ADARB2: variants seen among roughly 807,000 people sequenced by gnomAD.
ADARB2 encodes inactive double-stranded RNA-specific editase B2.
ADARB2 carries 25 observed loss-of-function variants against 62.2 expected under a neutral mutation model. The observed-to-expected ratio is 0.40, with a 90% CI of 0.29 to 0.56. ADARB2 has a LOEUF of 0.56. Ranked by LOEUF, ADARB2 falls within the 20% of genes least tolerant of loss-of-function variation. The pLI is 0.43. For missense variants in ADARB2, 1,071 were observed against 1,077.4 expected, an observed-to-expected ratio of 0.99 and a Z score of 0.08; for synonymous variants, 572 against 500.8, an observed-to-expected ratio of 1.14 and a Z score of -1.90.
chr10:1,528,150 G>A (rs1217832553), intron 1 of ADARB2, among the ~76,000 whole-genome samples: 2 of 152,154 alleles, frequency 1.3e-5, no homozygotes, highest in African/African-American at 4.8e-5. Context: ...CTACGTTCTC[G>A]CCAATGGCTG....
chr10:1,549,352 C>A (rs896882390), intron 1 of ADARB2, among the ~76,000 whole-genome samples: 16 of 152,144 alleles, frequency 1.1e-4, no homozygotes, highest in Admixed American at 9.8e-4. Flanking sequence ...GGACACAAGG[C>A]GCTCTTTTTG....
chr10:1,185,255 C>T (rs1836736472), intron 8 of ADARB2, among the ~76,000 whole-genome samples: 1 of 152,218 alleles, frequency 6.6e-6, no homozygotes, highest in Admixed American at 6.5e-5. Flanking sequence ...GTCGCTGCAC[C>T]TGCGTCAACC....
At chr10:1,204,540 C>T (rs1189489885) in intron 7 of ADARB2, among the ~76,000 whole-genome samples, 1 of 152,272 alleles carries the variant, frequency 6.6e-6, no homozygotes, top group East Asian at 1.9e-4. Context: ...CTTGCTGGGA[C>T]ACCCTCAGGG....
At chr10:1,227,190 G>A (rs1271589108) in intron 6 of ADARB2, among the ~76,000 whole-genome samples, 5 of 152,206 alleles carry the variant, frequency 3.3e-5, no homozygotes, top group Non-Finnish European at 7.3e-5. Flanking sequence ...CTCCGTGGGT[G>A]TAGGACCCTC....
At chr10:1,233,929 T>G in intron 5 of ADARB2, 84 bp from the exon 6 acceptor site, 3 of 1,410,166 alleles carry the variant, frequency 2.1e-6, no homozygotes, top group Non-Finnish European at 2.8e-6. Context: ...AGTCCTGTTT[T>G]GTAGAGTTGT....
chr10:1,287,861 T>A (rs1430347363), intron 3 of ADARB2, among the ~76,000 whole-genome samples: 3 of 152,264 alleles, frequency 2.0e-5, no homozygotes, highest in African/African-American at 7.2e-5. Context: ...CATTGTTTTC[T>A]GATCTAAGCG....
rs576110943 is a variant in ADARB2, at chr10:1,351,440, C to T, written c.1077+11588G>A. On this transcript the variant is annotated intron_variant, in intron 3 of 9. Transcript: ENST00000381312. Reference sequence around the variant, plus strand: ...TCTTAAAACTCCCCAACTCTGGTGCCAACTTAGACAATACTCTTTTAAGTA... The same window carrying T: ...TCTTAAAACTCCCCAACTCTGGTGCTAACTTAGACAATACTCTTTTAAGTA... Among the ~76,000 whole-genome samples, 640 of 151,788 alleles carry T rather than the reference C, an allele frequency of 4.2e-3. 3 individuals carry two copies. Among genetic ancestry groups the T allele is most frequent in the African/African-American group, 0.015 (604 of 41,360 alleles).
chr10:1,405,672 A>C lies in ADARB2; in HGVS notation c.101-26512T>G, dbSNP rs370650936. ...AAAAAAATTTAAGATGTTTCTTGGGAAATGTACCAGAATCCACCCACATCT... is the reference window on the plus strand; with the variant it reads ...AAAAAAATTTAAGATGTTTCTTGGGCAATGTACCAGAATCCACCCACATCT... On this transcript the variant is annotated intron_variant, in intron 1 of 9. Coordinates refer to ENST00000381312, the MANE Select transcript of ADARB2 (RefSeq NM_018702.4). 1.2e-4 allele frequency among the ~76,000 whole-genome samples: 18 copies of C among 151,586 alleles called. No individual in the cohort carries two copies. The East Asian group carries it at 2.2e-3, about 18-fold the overall frequency.
chr10:1,598,746 T>C (rs1833369477), intron 1 of ADARB2, among the ~76,000 whole-genome samples: 1 of 152,194 alleles, frequency 6.6e-6, no homozygotes, highest in South Asian at 2.1e-4. Context: ...TGGGGAGCTC[T>C]GGGTCAAAGC....
At chr10:1,526,922 C>T (rs763997399) in intron 1 of ADARB2, 4 of 403,196 alleles carry the variant, frequency 9.9e-6, no homozygotes, top group South Asian at 1.8e-5. Context: ...ATAGAAACAT[C>T]CCCTGCATCT....
At chr10:1,399,018 G>C (rs994906390) in intron 1 of ADARB2, among the ~76,000 whole-genome samples, 1 of 152,132 alleles carries the variant, frequency 6.6e-6, no homozygotes, top group Non-Finnish European at 1.5e-5. Context: ...TATCAGCGGG[G>C]CCACGACAAA....
intron 3 of ADARB2, among the ~76,000 whole-genome samples, chr10:1,362,816 C>A (rs1832272207): frequency 6.6e-6 from 1 of 152,246 alleles, no homozygotes; most frequent in African/African-American, 2.4e-5. Context: ...CTGTCTCCTC[C>A]CGGGCAGCCG....
intron 5 of ADARB2, among the ~76,000 whole-genome samples, chr10:1,241,903 G>A (rs781000120): frequency 7.9e-5 from 12 of 152,344 alleles, no homozygotes; most frequent in East Asian, 1.9e-4. Context: ...GGAGGGAAAC[G>A]TGGAGTAAGG....
At chr10:1,719,356 ACT>A (rs960895763) in intron 1 of ADARB2, among the ~76,000 whole-genome samples, 1 of 152,148 alleles carries the variant, frequency 6.6e-6, no homozygotes, top group Non-Finnish European at 1.5e-5. Context: ...ATTTTACACC[ACT>A]GATTCTTCTC....
At chr10:1,675,112 T>C (rs552925627) in intron 1 of ADARB2, 3 of 982,918 alleles carry the variant, frequency 3.1e-6, no homozygotes, top group Non-Finnish European at 3.6e-6. Context: ...GAGGTTTGGG[T>C]TGCGGGGTAC....
chr10:1,414,360 A>G (rs1411562325), intron 1 of ADARB2, among the ~76,000 whole-genome samples: 2 of 152,190 alleles, frequency 1.3e-5, no homozygotes, highest in African/African-American at 4.8e-5. Context: ...GCTCTGTGCT[A>G]AAGGGTGGAA....
Position 1,737,218 on chromosome 10 carries a change from A to G in ADARB2, c.-68T>C. 2 of 1,527,866 alleles carry G rather than the reference A, an allele frequency of 1.3e-6. No individual in the cohort carries two copies. The highest frequency in any genetic ancestry group is 1.8e-6 in the Non-Finnish European group (2 of 1,118,646). The allele number at this position is 1,527,866 out of a possible 1,614,324, so 94.6% of individuals were successfully genotyped here. A position where few individuals can be genotyped will look rare whatever the true frequency, so the allele number is the denominator to read the frequency against. On this transcript the variant is annotated 5_prime_UTR_variant, in exon 1 of 10. Coordinates refer to ENST00000381312, the MANE Select transcript of ADARB2 (RefSeq NM_018702.4). ...CACCTGCACCTGCCTCCTTCCCGGC[A>G]GCCGCCGCCGCCGCTGCTGCGAAGC...
At chr10:1,342,645 C>T (rs1832041290) in intron 3 of ADARB2, among the ~76,000 whole-genome samples, 3 of 152,196 alleles carry the variant, frequency 2.0e-5, no homozygotes, top group African/African-American at 7.2e-5. Context: ...TGGGCTAGCA[C>T]TTGAGGACAT....
rs141103903 is a variant in ADARB2 at position 1,278,119 on chromosome 10, G to A, written c.1078-7050C>T. ...CAAGTAGCTGGGACTACAGGCGCGC[G>A]CCACTATGCCTGGCTAATTTTAGTT... On this transcript the variant is annotated intron_variant, in intron 3 of 9. Coordinates refer to ENST00000381312, the MANE Select transcript of ADARB2 (RefSeq NM_018702.4). Among the ~76,000 whole-genome samples the A allele has an allele frequency of 3.5e-3, 529 of 151,992 alleles. 1 individual carries two copies. The highest frequency in any genetic ancestry group is 0.012 in the African/African-American group (504 of 41,464).
Sources: allele counts gnomAD v4.1 joint callset (sites outside exome capture counted in the v4.1 genomes callset), GRCh38; gene constraint gnomAD v4.1.1; transcripts MANE v1.5; gene names NCBI Gene and HGNC (gene_info 2026-07-23, HGNC 2026-07-21).